Variants in INVS observed in about 807,000 individuals in gnomAD.
INVS encodes inversion of embryo turning homolog.
INVS carries 86 observed loss-of-function variants against 108.8 expected under a neutral mutation model. That is an observed-to-expected ratio of 0.79 (90% confidence interval 0.66 to 0.95). INVS has a LOEUF of 0.95. Among genes scored for constraint, INVS ranks in the 40% least tolerant of loss-of-function variants. The pLI is 0.00. For synonymous variants in INVS, 455 were observed against 473.5 expected (o/e 0.96, Z 0.51); for missense variants, 1,169 against 1,297.4 (o/e 0.90, Z 1.52).
At position 100,100,993 on chromosome 9, in the gene INVS, T is replaced by C. The variant is rs550057373; in HGVS notation, c.-25+1577T>C. Among the ~76,000 whole-genome samples the C allele has an allele frequency of 5.6e-4, 46 of 82,486 alleles. 2 individuals are homozygous for C. The highest frequency in any genetic ancestry group is 2.5e-3 in the African/African-American group (38 of 15,356). 54.1% of individuals were successfully genotyped at this position (82,486 alleles called of 152,430 possible). On this transcript the variant is annotated intron_variant, in intron 1 of 16. Transcript: ENST00000262457. ...ATATATTATATATATAATATATATG[T>C]ATATATAATATATATATTATATGTA...
At position 100,240,078 on chromosome 9, in the gene INVS, T is replaced by C. The variant is rs1471310156; in HGVS notation, c.634T>C (p.Ser212Pro). The change falls in exon 6 of 17, where the codon TCT (serine) becomes CCT (proline). Residue 212 changes from serine (S) to proline (P), a missense_variant. Ser to Pro is a moderately conservative substitution (Grantham distance 74). This residue lies in a region of INVS where 365 missense variants were observed against 397.5 expected (regional missense o/e 0.92). Coordinates refer to ENST00000262457, the MANE Select transcript of INVS (RefSeq NM_014425.5). ...RCILDAAPTESLLNWQDYEGR... is the reference protein window; with the variant it reads ...RCILDAAPTEPLLNWQDYEGR... The stretch of plus-strand genomic sequence containing the variant: ...AAATCAGGATGCTGCTCCAACAGAG[T>C]CTTTACTGAACTGGCAAGACTACGA... The C allele has an allele frequency of 6.2e-7, 1 of 1,613,982 alleles. No homozygotes were observed. Among genetic ancestry groups the C allele is most frequent in the East Asian group, 2.2e-5 (1 of 44,870 alleles).
Position 100,300,953 on chromosome 9 carries a change from A to G in INVS, c.*279A>G, listed in dbSNP as rs909949767. 1.6e-5 allele frequency: 7 copies of G among 442,506 alleles called. No homozygotes were observed. The highest frequency in any genetic ancestry group is 7.9e-5 in the African/African-American group (4 of 50,568). The allele number at this position is 442,506 out of a possible 1,614,324, so 27.4% of individuals were successfully genotyped here. Reference sequence around the variant, plus strand: ...TGTCTGCTTTCACCTCAGTCTGTACAGTTGGAAATGAGAATTCATAATTAA... The same window carrying G: ...TGTCTGCTTTCACCTCAGTCTGTACGGTTGGAAATGAGAATTCATAATTAA... On this transcript the variant is annotated 3_prime_UTR_variant, in exon 17 of 17. Transcript: ENST00000262457.
intron 3 of INVS, among the ~76,000 whole-genome samples, chr9:100,142,524 TAC>T (rs1365235182): frequency 6.6e-6 from 1 of 152,060 alleles, no homozygotes; most frequent in African/African-American, 2.4e-5. Context: ...ATCAGAGAGA[TAC>T]AGTCATGAGG....
intron 12 of INVS, 33 bp from the exon 13 acceptor site, chr9:100,284,287 T>G: frequency 6.2e-7 from 1 of 1,612,844 alleles, no homozygotes; most frequent in East Asian, 2.2e-5. Context: ...ACTCTTTAAA[T>G]TTTTTCATCT....
At position 100,226,048 on chromosome 9, in the gene INVS, T is replaced by G. The variant is rs201366153; in HGVS notation, c.274-14T>G. 62 of 1,266,774 alleles carry G rather than the reference T, an allele frequency of 4.9e-5. No individual in the cohort carries two copies. Among genetic ancestry groups the G allele is most frequent in the Non-Finnish European group, 6.4e-5 (60 of 932,680 alleles). The allele number at this position is 1,266,774 out of a possible 1,614,324, so 78.5% of individuals were successfully genotyped here. A position where few individuals can be genotyped will look rare whatever the true frequency, so the allele number is the denominator to read the frequency against. ...AGTACATTTTTTTCTTATCATCTCT[T>G]GTTTTTTATTTAGGGAAATTATCGT... On this transcript the variant is annotated splice_polypyrimidine_tract_variant and intron_variant, in intron 3 of 16. Coordinates refer to ENST00000262457, the MANE Select transcript of INVS (RefSeq NM_014425.5).
At chr9:100,264,747 T>G in intron 10 of INVS, 75 bp from the exon 11 acceptor site, 1 of 1,009,972 alleles carries the variant, frequency 9.9e-7, no homozygotes, top group South Asian at 1.3e-5. Flanking sequence ...TTATATTAAT[T>G]TTGAATTAGC....
At chr9:100,154,988 G>A (rs1293011728) in intron 3 of INVS, among the ~76,000 whole-genome samples, 1 of 152,050 alleles carries the variant, frequency 6.6e-6, no homozygotes, top group Non-Finnish European at 1.5e-5. Flanking sequence ...CAAGGTGGGC[G>A]GATCACTTGA....
intron 8 of INVS, among the ~76,000 whole-genome samples, chr9:100,250,455 C>T (rs549637616): frequency 2.6e-5 from 4 of 152,294 alleles, no homozygotes; most frequent in South Asian, 2.1e-4. Flanking sequence ...AAGTTACTCA[C>T]GCCTGTCTGA....
At chr9:100,242,182 A>G (rs907719801) in intron 6 of INVS, among the ~76,000 whole-genome samples, 43 of 152,304 alleles carry the variant, frequency 2.8e-4, no homozygotes, top group African/African-American at 1.0e-3. Flanking sequence ...TGGTTGGGCA[A>G]CGGAACCTTG....
intron 1 of INVS, chr9:100,101,821 A>C (rs1257224961): frequency 1.3e-5 from 2 of 152,166 alleles, no homozygotes; most frequent in African/African-American, 2.4e-5. Flanking sequence ...CTCCCTTTAG[A>C]TAAGTACATA....
chr9:100,278,093 A>G (rs908449708), intron 12 of INVS, among the ~76,000 whole-genome samples: 15 of 151,976 alleles, frequency 9.9e-5, no homozygotes, highest in Non-Finnish European at 2.1e-4. Context: ...AAAACTAGCC[A>G]GTGTGTAGTG....
At chr9:100,220,103 G>T (rs1831099663) in intron 3 of INVS, among the ~76,000 whole-genome samples, 1 of 151,930 alleles carries the variant, frequency 6.6e-6, no homozygotes, top group Non-Finnish European at 1.5e-5. Flanking sequence ...CCATATCATT[G>T]TTATTACCAT....
At chr9:100,127,487 T>C (rs1827923241) in intron 3 of INVS, among the ~76,000 whole-genome samples, 1 of 152,098 alleles carries the variant, frequency 6.6e-6, no homozygotes, top group Non-Finnish European at 1.5e-5. Context: ...GTCCATAAAA[T>C]AGATTTCCAG....
At chr9:100,179,212 G>A (rs1829807948) in intron 3 of INVS, among the ~76,000 whole-genome samples, 1 of 152,118 alleles carries the variant, frequency 6.6e-6, no homozygotes, top group African/African-American at 2.4e-5. Context: ...CATCGACACT[G>A]TGAAGAAACT....
intron 1 of INVS, chr9:100,102,698 C>A (rs1302333784): frequency 6.6e-6 from 1 of 152,460 alleles, no homozygotes; most frequent in Non-Finnish European, 1.5e-5. Context: ...ATATGGTGAT[C>A]TCCCAGGAGT....
At chr9:100,228,475 A>C (rs1193054800) in intron 4 of INVS, among the ~76,000 whole-genome samples, 2 of 152,224 alleles carry the variant, frequency 1.3e-5, no homozygotes, top group African/African-American at 4.8e-5. Flanking sequence ...TTTCCTATGC[A>C]TGTATTTTTT....
At chr9:100,163,184 C>T (rs1263102587) in intron 3 of INVS, among the ~76,000 whole-genome samples, 5 of 105,218 alleles carry the variant, frequency 4.8e-5, no homozygotes, top group Non-Finnish European at 8.9e-5. Context: ...GATGTTCTTT[C>T]TATTTTTTTT....
chr9:100,168,598 A>G (rs1829440278), intron 3 of INVS, among the ~76,000 whole-genome samples: 1 of 152,050 alleles, frequency 6.6e-6, no homozygotes, highest in African/African-American at 2.4e-5. Context: ...GTCTAATTGG[A>G]TTGAGAATAG....
At chr9:100,245,292 T>A (rs1212237031) in intron 7 of INVS, among the ~76,000 whole-genome samples, 3 of 152,152 alleles carry the variant, frequency 2.0e-5, no homozygotes, top group Admixed American at 6.5e-5. Flanking sequence ...GTTTTTGTTT[T>A]TGTTTGAGAT....
Sources: gnomAD v4.1 joint callset for allele counts (sites outside exome capture counted in the v4.1 genomes callset) on GRCh38, gnomAD v4.1.1 for gene constraint, gnomAD v4.1.1 regional missense constraint, MANE v1.5 for transcripts, NCBI Gene and HGNC (gene_info 2026-07-23, HGNC 2026-07-21) for gene names.